PHC3: variants seen among roughly 807,000 people sequenced by gnomAD.
PHC3 encodes polyhomeotic homolog 3.
Under a neutral mutation model 107.4 loss-of-function variants are expected in PHC3, and 13 were observed. The observed-to-expected ratio is 0.12, with a 90% confidence interval of 0.08 to 0.19. The LOEUF (loss-of-function observed/expected upper bound fraction) is 0.19. PHC3 is among the 10% of genes least tolerant of loss of function. The probability of loss-of-function intolerance (pLI) is 1.00; values close to 1 mark genes in which losing one functional copy is unlikely to be tolerated. For missense variants in PHC3, 992 were observed against 1,210.9 expected, an observed-to-expected ratio of 0.82 and a Z score of 2.68; for synonymous variants, 456 against 427.4, an observed-to-expected ratio of 1.07 and a Z score of -0.83.
rs1339647694 is a variant in PHC3, at chr3:170,097,315, T to G, written c.2903A>C (p.Glu968Ala). The change falls in exon 15 of 15, where the codon GAA becomes GCA. Residue 968 changes from glutamate to alanine, a missense_variant. Around this residue, in one of 6 missense-constraint regions of PHC3, gnomAD observed 21 missense variants for 52.5 expected, o/e 0.40. Transcript: ENST00000495893. This position sits in a 1 kb window ranked among gnomAD's most constrained non-coding sequence, Gnocchi z 4.1. ...ATTCATTGCACTCATGAGATGGTCT[T>G]CTTTCAGCAAGAGAAGGGCCTGTCC... ...IDGQALLLLKEDHLMSAMNIK... is the reference protein window; with the variant it reads ...IDGQALLLLKADHLMSAMNIK... 3 of 1,613,538 alleles carry G rather than the reference T, an allele frequency of 1.9e-6. No individual in the cohort carries two copies. The highest frequency in any genetic ancestry group is 2.5e-6 in the Non-Finnish European group (3 of 1,179,652).
At chr3:170,144,266 A>AG (rs1724596767) in intron 6 of PHC3, among the ~76,000 whole-genome samples, 1 of 151,646 alleles carries the variant, frequency 6.6e-6, no homozygotes, top group Non-Finnish European at 1.5e-5. Flanking sequence ...ACTTGAACAC[A>AG]GGAGGTGGAG....
chr3:170,130,979 T>C (rs899846769), intron 7 of PHC3, among the ~76,000 whole-genome samples: 24 of 152,128 alleles, frequency 1.6e-4, no homozygotes, highest in African/African-American at 5.8e-4. Context: ...ATTTTTGTGT[T>C]CAACCACATT....
chr3:170,105,178 C>G (rs1373806568), intron 12 of PHC3, among the ~76,000 whole-genome samples: 1 of 152,184 alleles, frequency 6.6e-6, no homozygotes, highest in Non-Finnish European at 1.5e-5. Flanking sequence ...TTAAAATATT[C>G]TGAAAGGGAG....
At chr3:170,132,134 A>C (rs1475082680) in intron 7 of PHC3, among the ~76,000 whole-genome samples, 1 of 152,190 alleles carries the variant, frequency 6.6e-6, no homozygotes, top group Non-Finnish European at 1.5e-5. Flanking sequence ...TAAACATCTT[A>C]TTGTCAGGAT....
intron 6 of PHC3, among the ~76,000 whole-genome samples, chr3:170,139,765 A>G (rs890893850): frequency 2.0e-5 from 3 of 152,230 alleles, no homozygotes; most frequent in Admixed American, 1.3e-4. Context: ...ACACTGCCAA[A>G]GTATATTACA....
intron 6 of PHC3, among the ~76,000 whole-genome samples, chr3:170,144,853 G>A (rs966841550): frequency 6.6e-5 from 10 of 152,262 alleles, no homozygotes; most frequent in Admixed American, 1.3e-4. Flanking sequence ...TTACAGCAGC[G>A]CAGCACCACA....
rs774572234 is a variant in PHC3 at position 170,149,176 on chromosome 3, G to A, written c.483C>T (p.Ser161=). 9 of 1,613,174 alleles carry A rather than the reference G, an allele frequency of 5.6e-6. No homozygotes were observed. Among genetic ancestry groups the A allele is most frequent in the East Asian group, 2.2e-5 (1 of 44,882 alleles). Residue 161 remains serine, a synonymous_variant, in exon 5 of 15, where the codon AGC becomes AGT. Coordinates refer to ENST00000495893, the MANE Select transcript of PHC3 (RefSeq NM_024947.4). ...ACATAGTCTGTTGGGTAATACTGCC[G>A]CTGGTAGAACTGGAAGCCTGGGAAC... The part of the protein sequence containing the change: ...ISRSQASSST[S]GSITQQTMLL...
intron 4 of PHC3, among the ~76,000 whole-genome samples, chr3:170,167,878 T>C (rs189984371): frequency 6.6e-6 from 1 of 152,156 alleles, no homozygotes; most frequent in Admixed American, 6.5e-5. Flanking sequence ...CAGCCAGGTG[T>C]AGTGGCTCAT....
At position 170,136,488 on chromosome 3, in the gene PHC3, T is replaced by C. The variant is rs1306786405; in HGVS notation, c.850A>G (p.Ser284Gly). 6.2e-7 allele frequency: 1 copy of C among 1,605,644 alleles called. No individual in the cohort carries two copies. Among genetic ancestry groups the C allele is most frequent in the African/African-American group, 1.3e-5 (1 of 74,556 alleles). ...GTGCTTCGTGATTCCAGGCTTGGGC[T>C]CTCTCCTTTCTTATTACTTTCTGGA... ...PSPESNKKGE[S>G]PSLESRSTAV... The change falls in exon 7 of 15, where the codon AGC (serine) becomes GGC (glycine). Residue 284 changes from serine (S) to glycine (G), a missense_variant. Physicochemically the swap from Ser to Gly is moderately conservative, Grantham distance 56. This residue lies in a region of PHC3 where 543 missense variants were observed against 590.8 expected (regional missense o/e 0.92). Coordinates refer to ENST00000495893, the MANE Select transcript of PHC3 (RefSeq NM_024947.4).
At position 170,088,941 on chromosome 3, in the gene PHC3, G is replaced by C. The variant is rs1025427675; in HGVS notation, c.*8289C>G. 2 of 152,244 alleles carry C rather than the reference G, an allele frequency of 1.3e-5. No homozygotes were observed. The highest frequency in any genetic ancestry group is 4.8e-5 in the African/African-American group (2 of 41,440). 9.4% of individuals were successfully genotyped at this position (152,244 alleles called of 1,614,324 possible). A position where few individuals can be genotyped will look rare whatever the true frequency, so the allele number is the denominator to read the frequency against. ...GGCACTTTGGGAGGCTGAGGTGGGC[G>C]GATCACTTGAGGTCAGGAGTTCGAG... On this transcript the variant is annotated 3_prime_UTR_variant, in exon 15 of 15. Coordinates refer to ENST00000495893, the MANE Select transcript of PHC3 (RefSeq NM_024947.4).
intron 8 of PHC3, among the ~76,000 whole-genome samples, chr3:170,127,062 T>G (rs1003836412): frequency 6.6e-6 from 1 of 152,184 alleles, no homozygotes; most frequent in Non-Finnish European, 1.5e-5. Flanking sequence ...TTAAAAATTT[T>G]TTGAAGGTGC....
At position 170,096,596 on chromosome 3, in the gene PHC3, T is replaced by C. The variant is rs556722413; in HGVS notation, c.*634A>G. The C allele has an allele frequency of 1.3e-5, 2 of 152,240 alleles. No homozygotes were observed. Among genetic ancestry groups the C allele is most frequent in the South Asian group, 4.2e-4 (2 of 4,818 alleles). 9.4% of individuals were successfully genotyped at this position (152,240 alleles called of 1,614,324 possible). On this transcript the variant is annotated 3_prime_UTR_variant, in exon 15 of 15. Coordinates refer to ENST00000495893, the MANE Select transcript of PHC3 (RefSeq NM_024947.4). The stretch of plus-strand genomic sequence containing the variant: ...CTGCTCTAAATAAATGTACAAAAAC[T>C]GAGAGGAAAACGTTCTCAGTCAAAC...
chr3:170,145,645 T>A lies in PHC3; in HGVS notation c.574-124A>T, dbSNP rs955537444. ...GACAATGCAGTTTAGGATTATCTCCTCAGCAAAAGGTTCTACATGACAAAG... is the reference window on the plus strand; with the variant it reads ...GACAATGCAGTTTAGGATTATCTCCACAGCAAAAGGTTCTACATGACAAAG... On this transcript the variant is annotated intron_variant, in intron 5 of 14. Transcript: ENST00000495893. The A allele has an allele frequency of 1.5e-5, 8 of 527,420 alleles. No individual in the cohort carries two copies. The African/African-American group carries it at 1.5e-4, about 10-fold the overall frequency. The allele number at this position is 527,420 out of a possible 1,614,324, so 32.7% of individuals were successfully genotyped here.
rs1012809668 is a variant in PHC3, at chr3:170,094,368, T to A, written c.*2862A>T. The A allele has an allele frequency of 6.6e-6, 1 of 152,184 alleles. No homozygotes were observed. The highest frequency in any genetic ancestry group is 1.5e-5 in the Non-Finnish European group (1 of 68,010). The allele number at this position is 152,184 out of a possible 1,614,324, so 9.4% of individuals were successfully genotyped here. On this transcript the variant is annotated 3_prime_UTR_variant, in exon 15 of 15. Transcript: ENST00000495893. ...TTCAAACTTATGCTTTTTATCCCAA[T>A]GGGACAAAGAGTGCAACACTGCAAG... is the stretch of plus-strand genomic sequence containing the variant.
intron 4 of PHC3, among the ~76,000 whole-genome samples, chr3:170,159,157 A>G (rs1238523580): frequency 6.7e-6 from 1 of 149,576 alleles, no homozygotes; most frequent in Non-Finnish European, 1.5e-5. Context: ...AGGCTGAGGC[A>G]GGAGAACGGG....
chr3:170,162,300 A>C (rs1728023264), intron 4 of PHC3, among the ~76,000 whole-genome samples: 1 of 152,128 alleles, frequency 6.6e-6, no homozygotes, highest in African/African-American at 2.4e-5. Flanking sequence ...AACTCATATA[A>C]CCAATGCCTA....
At chr3:170,158,854 G>T (rs942823212) in intron 4 of PHC3, among the ~76,000 whole-genome samples, 5 of 150,998 alleles carry the variant, frequency 3.3e-5, no homozygotes, top group Admixed American at 1.3e-4. Context: ...TTGAGCCTGG[G>T]AGGTGGCAGT....
intron 2 of PHC3, among the ~76,000 whole-genome samples, chr3:170,173,857 C>T (rs1293367336): frequency 2.0e-5 from 3 of 152,158 alleles, no homozygotes; most frequent in Admixed American, 6.6e-5. Flanking sequence ...CTATAGATGT[C>T]TGAAAATCTT....
Position 170,128,819 on chromosome 3 carries a change from C to A in PHC3, c.1653G>T (p.Gln551His). Residue 551 changes from glutamine to histidine, a missense_variant, in exon 8 of 15, where the codon CAG becomes CAT. Transcript: ENST00000495893. ...EILSQGQVLVQNALVSEEELP... is the reference protein window; with the variant it reads ...EILSQGQVLVHNALVSEEELP... ...GTTCCTCTTCTGACACCAAAGCATT[C>A]TGCACCAAAACCTGGCCCTGGGACA... 6.2e-7 allele frequency: 1 copy of A among 1,614,014 alleles called. No individual in the cohort carries two copies. Among genetic ancestry groups the A allele is most frequent in the Non-Finnish European group, 8.5e-7 (1 of 1,179,892 alleles).
Sources: allele counts gnomAD v4.1 joint callset (sites outside exome capture counted in the v4.1 genomes callset), GRCh38; gene constraint gnomAD v4.1.1; regional missense constraint gnomAD v4.1.1; non-coding constraint Gnocchi (gnomAD v3.1); transcripts MANE v1.5; gene names NCBI Gene and HGNC (gene_info 2026-07-23, HGNC 2026-07-21).